Variants in CFAP92 observed in about 807,000 individuals in gnomAD.
The protein encoded by CFAP92 is cilia and flagella associated protein 92 (putative), also known as uncharacterized protein CFAP92.
In CFAP92, 86 loss-of-function variants were observed where a neutral mutation model predicts 106.3. The observed-to-expected ratio is 0.81, with a 90% CI of 0.68 to 0.97. The LOEUF is 0.97. CFAP92 is among the 50% of genes least tolerant of loss of function. The probability of loss-of-function intolerance (pLI) is 0.00; values close to 1 mark genes in which losing one functional copy is unlikely to be tolerated. For missense variants in CFAP92, 1,204 were observed against 1,283.8 expected, an observed-to-expected ratio of 0.94 and a Z score of 0.95; for synonymous variants, 477 against 506.4, an observed-to-expected ratio of 0.94 and a Z score of 0.78.
At position 128,935,299 on chromosome 3, in the gene CFAP92, CTG is replaced by C; in HGVS notation, c.2277_2278del (p.His759GlnfsTer49). On this transcript the variant is annotated frameshift_variant, in exon 11 of 16. Transcript: ENST00000645291. LOFTEE classifies it high-confidence loss of function. ...TGAGTTGTACAGCACCTTGTATTTC[CTG>C]TGTTCTGACCTGGGAATCCTGCAAG... is the stretch of plus-strand genomic sequence containing the variant. 6.6e-7 allele frequency: 1 copy of C among 1,524,262 alleles called. No individual in the cohort carries two copies. Among genetic ancestry groups the C allele is most frequent in the Non-Finnish European group, 8.8e-7 (1 of 1,139,132 alleles). 94.4% of individuals were successfully genotyped at this position (1,524,262 alleles called of 1,614,324 possible).
chr3:129,007,491 G>C (rs1335922832), upstream of CFAP92, among the ~76,000 whole-genome samples: 4 of 152,304 alleles, frequency 2.6e-5, no homozygotes, highest in African/African-American at 9.6e-5. Context: ...GAGAATGACA[G>C]CTTGAAGCCA....
upstream of CFAP92, among the ~76,000 whole-genome samples, chr3:129,004,984 G>A (rs761049336): frequency 6.6e-6 from 1 of 152,182 alleles, no homozygotes; most frequent in Non-Finnish European, 1.5e-5. Context: ...GCTGTGAAGA[G>A]GCCATGAGGT....
intron 1 of CFAP92, among the ~76,000 whole-genome samples, chr3:128,999,734 T>A (rs2004126): frequency 2.7e-5 from 4 of 150,690 alleles, no homozygotes; most frequent in South Asian, 2.1e-4. Context: ...GAGATGGGGG[T>A]GGTTCACTAT....
At position 128,945,576 on chromosome 3, in the gene CFAP92, G is replaced by A. The variant is rs1940134160; in HGVS notation, c.1753C>T (p.Pro585Ser). Residue 585 changes from proline to serine, a missense_variant, in exon 10 of 16, where the codon CCC (proline) becomes TCC (serine). Transcript: ENST00000645291. Reference protein sequence around the residue: ...LGHKYLNLAVPIHSCEVQPTH... With the variant: ...LGHKYLNLAVSIHSCEVQPTH... The stretch of plus-strand genomic sequence containing the variant: ...GGCTGAACCTCACAGCTGTGGATGG[G>A]GACGGCCAGATTCAAGTACTTGTGG... 2.0e-6 allele frequency: 3 copies of A among 1,536,116 alleles called. No individual in the cohort carries two copies. The highest frequency in any genetic ancestry group is 2.6e-6 in the Non-Finnish European group (3 of 1,146,916).
the CFAP92 span, among the ~76,000 whole-genome samples, chr3:129,011,503 A>G: frequency 8.5e-3 from 1,286 of 151,188 alleles, 19 homozygotes; most frequent in African/African-American, 0.029. Flanking sequence ...GTGAGCCAAG[A>G]TTGTGCCACT....
At chr3:128,941,544 T>G (rs562350064) in intron 10 of CFAP92, among the ~76,000 whole-genome samples, 1 of 152,330 alleles carries the variant, frequency 6.6e-6, no homozygotes, top group East Asian at 1.9e-4. Flanking sequence ...TGGCATGATC[T>G]TGGCTCACTG....
intron 12 of CFAP92, among the ~76,000 whole-genome samples, chr3:128,924,618 A>ATTT (rs35609680): frequency 0.37 from 55,141 of 148,300 alleles, 11,555 homozygotes; most frequent in East Asian, 0.57. Context: ...CTCATTTTGT[A>ATTT]TTTTTTTTAG....
chr3:129,020,534 G>C, the CFAP92 span, among the ~76,000 whole-genome samples: 1 of 152,202 alleles, frequency 6.6e-6, no homozygotes, highest in Non-Finnish European at 1.5e-5. Flanking sequence ...CTACTGAGGA[G>C]GCTGAGGTGG....
Position 128,916,209 on chromosome 3 carries a change from AAT to A in CFAP92, c.2812_2813del (p.Ile938Ter). On this transcript the variant is annotated frameshift_variant, in exon 13 of 16. Coordinates refer to ENST00000645291, the MANE Select transcript of CFAP92 (RefSeq NM_001394090.1). LOFTEE classifies it high-confidence loss of function. ...KKPPKSVAKV[I>X]KISAPANKAV... ...CCTTGTTGGCAGGGGCTGAAATTTT[AAT>A]CACCTTCGCCACGGACTTCGGAGGC... The A allele has an allele frequency of 8.1e-7, 1 of 1,231,986 alleles. No homozygotes were observed. The highest frequency in any genetic ancestry group is 1.0e-6 in the Non-Finnish European group (1 of 987,948). 76.3% of individuals were successfully genotyped at this position (1,231,986 alleles called of 1,614,324 possible). A position where few individuals can be genotyped will look rare whatever the true frequency, so the allele number is the denominator to read the frequency against.
chr3:128,952,136 C>CT (rs35117405), intron 9 of CFAP92, among the ~76,000 whole-genome samples: 26,221 of 139,232 alleles, frequency 0.19, 2,629 homozygotes, highest in Middle Eastern at 0.33. Context: ...TCTTCTTCTT[C>CT]TTTTTTTTTT....
chr3:128,971,046 G>C, intron 8 of CFAP92: 1 of 564,510 alleles, frequency 1.8e-6, no homozygotes. Flanking sequence ...GAATCAAACA[G>C]AGCTGGGTTC....
intron 15 of CFAP92, chr3:128,912,984 A>G (rs1191398940): frequency 1.7e-5 from 8 of 468,806 alleles, no homozygotes; most frequent in Non-Finnish European, 3.4e-5. Context: ...CTGCTCAACC[A>G]CACATTCTCT....
chr3:128,944,927 C>A, intron 10 of CFAP92, 144 bp downstream of exon 10: 1 of 733,572 alleles, frequency 1.4e-6, no homozygotes, highest in Non-Finnish European at 2.2e-6. Context: ...AATGACTAAA[C>A]CCTGGTAAGT....
At position 128,989,021 on chromosome 3, in the gene CFAP92, C is replaced by T. The variant is rs1944042125; in HGVS notation, c.263-103G>A. The T allele has an allele frequency of 7.0e-6, 6 of 854,178 alleles. No individual in the cohort carries two copies. The East Asian group carries it at 1.6e-4, about 23-fold the overall frequency. 52.9% of individuals were successfully genotyped at this position (854,178 alleles called of 1,614,324 possible). A position where few individuals can be genotyped will look rare whatever the true frequency, so the allele number is the denominator to read the frequency against. On this transcript the variant is annotated intron_variant, in intron 2 of 15. Coordinates refer to ENST00000645291, the MANE Select transcript of CFAP92 (RefSeq NM_001394090.1). ...TTGATGTTGTGAGAGGCTGAGCACT[C>T]CACATTGCCTGCCCGACTTGGGGAA...
the CFAP92 span, among the ~76,000 whole-genome samples, chr3:129,023,473 C>T: frequency 7.2e-5 from 11 of 152,102 alleles, no homozygotes; most frequent in Non-Finnish European, 1.6e-4. Flanking sequence ...GGACTACAGG[C>T]GCCCGCCACC....
Position 128,945,787 on chromosome 3 carries a change from C to G in CFAP92, c.1542G>C (p.Arg514=). ...GAGAACACTCCTCTGACTTGCGGTC[C>G]CGGTCGTGAACTTCCACCACCATGG... ...GPPMVVEVHD[R]DRKSEECSQK... The change falls in exon 10 of 16, where the codon CGG becomes CGC. Residue 514 remains arginine (R), a synonymous_variant. Transcript: ENST00000645291. 6.5e-7 allele frequency: 1 copy of G among 1,528,924 alleles called. No homozygotes were observed. The highest frequency in any genetic ancestry group is 8.7e-7 in the Non-Finnish European group (1 of 1,143,444). 94.7% of individuals were successfully genotyped at this position (1,528,924 alleles called of 1,614,324 possible). A position where few individuals can be genotyped will look rare whatever the true frequency, so the allele number is the denominator to read the frequency against.
the CFAP92 span, among the ~76,000 whole-genome samples, chr3:129,016,205 C>T: frequency 6.6e-6 from 1 of 152,150 alleles, no homozygotes; most frequent in African/African-American, 2.4e-5. Flanking sequence ...GCTACAGTTG[C>T]TGTACAGGTA....
chr3:128,943,922 T>G (rs199758509), intron 10 of CFAP92, among the ~76,000 whole-genome samples: 2 of 54,310 alleles, frequency 3.7e-5, no homozygotes, highest in Non-Finnish European at 6.0e-5. Flanking sequence ...TTTCCCCCGT[T>G]TTTTTTTTTT....
chr3:129,003,927 G>C, upstream of CFAP92: 1 of 1,374,734 alleles, frequency 7.3e-7, no homozygotes. Context: ...CTGCGCCGTG[G>C]CCAGGCCGAG....
Sources: gnomAD v4.1 joint callset for allele counts (sites outside exome capture counted in the v4.1 genomes callset) on GRCh38, gnomAD v4.1.1 for gene constraint, MANE v1.5 for transcripts, NCBI Gene and HGNC (gene_info 2026-07-23, HGNC 2026-07-21) for gene names.